CREBBP: variants seen among roughly 807,000 people sequenced by gnomAD.
CREBBP encodes CREB binding lysine acetyltransferase.
CREBBP carries 19 observed loss-of-function variants against 265.0 expected under a neutral mutation model. The ratio of observed to expected loss-of-function variants is 0.07; its 90% CI spans 0.05 to 0.11. The LOEUF is 0.11. Ranked by LOEUF, CREBBP falls within the 10% of genes least tolerant of loss-of-function variation. CREBBP has a pLI of 1.00. For missense variants in CREBBP, 2,525 were observed against 3,219.0 expected, an observed-to-expected ratio of 0.78 and a Z score of 5.22; for synonymous variants, 1,457 against 1,223.7, an observed-to-expected ratio of 1.19 and a Z score of -3.98.
intron 22 of CREBBP, 106 bp downstream of exon 22, chr16:3,745,171 C>T (rs765933297): frequency 3.2e-5 from 36 of 1,109,434 alleles, no homozygotes; most frequent in East Asian, 5.1e-5. Flanking sequence ...CTCTCTTAAT[C>T]GCTGAATTCT....
At chr16:3,848,758 G>C (rs900221997) in intron 2 of CREBBP, among the ~76,000 whole-genome samples, 1 of 152,108 alleles carries the variant, frequency 6.6e-6, no homozygotes, top group Non-Finnish European at 1.5e-5. Flanking sequence ...AAAGGAACAA[G>C]GATCAATCTC....
At chr16:3,851,305 T>TAAAAAA (rs2054830531) in intron 1 of CREBBP, among the ~76,000 whole-genome samples, 2 of 69,004 alleles carry the variant, frequency 2.9e-5, no homozygotes, top group African/African-American at 1.3e-4. Context: ...AAAAAAAAAA[T>TAAAAAA]TAAAAAAAAA....
chr16:3,756,438 C>CA, intron 19 of CREBBP, among the ~76,000 whole-genome samples: 1 of 152,328 alleles, frequency 6.6e-6, no homozygotes, highest in South Asian at 2.1e-4. Flanking sequence ...GAAACCACAA[C>CA]AAAAAATACT....
chr16:3,829,282 TC>T (rs1470027395), intron 2 of CREBBP, among the ~76,000 whole-genome samples: 7 of 152,172 alleles, frequency 4.6e-5, no homozygotes, highest in Non-Finnish European at 1.0e-4. Context: ...GTGAACTTAA[TC>T]CTCAGACGAT....
chr16:3,736,922 C>A, intron 26 of CREBBP, 107 bp from the exon 27 acceptor site: 1 of 1,362,824 alleles, frequency 7.3e-7, no homozygotes, highest in Non-Finnish European at 1.0e-6. Context: ...CAGAAGTAAC[C>A]AGAGAGAGAG....
intron 1 of CREBBP, among the ~76,000 whole-genome samples, chr16:3,877,637 G>A (rs551758068): frequency 1.1e-4 from 17 of 152,308 alleles, no homozygotes; most frequent in African/African-American, 4.1e-4. Flanking sequence ...CTCCTGACCT[G>A]AAGTTGATCC....
intron 2 of CREBBP, among the ~76,000 whole-genome samples, chr16:3,817,503 G>A (rs1160168705): frequency 6.6e-6 from 1 of 152,142 alleles, no homozygotes; most frequent in Non-Finnish European, 1.5e-5. Context: ...CTTCTCTCAA[G>A]TGAGATCTAG....
chr16:3,827,054 T>C (rs975261860), intron 2 of CREBBP, among the ~76,000 whole-genome samples: 6 of 152,186 alleles, frequency 3.9e-5, no homozygotes, highest in Non-Finnish European at 7.3e-5. Context: ...ACTGAGAAAG[T>C]TGAGGCTTGA....
intron 2 of CREBBP, among the ~76,000 whole-genome samples, chr16:3,844,204 G>C (rs1371917098): frequency 6.9e-6 from 1 of 144,538 alleles, no homozygotes; most frequent in East Asian, 2.0e-4. Context: ...CCAAGTTAAC[G>C]TAACACTGAT....
chr16:3,849,482 TGTGTGTGA>T (rs1198013289), intron 2 of CREBBP, among the ~76,000 whole-genome samples: 8 of 125,080 alleles, frequency 6.4e-5, no homozygotes, highest in Admixed American at 8.9e-5. Flanking sequence ...TGTGTGTGTG[TGTGTGTGA>T]TGTGCGTGAC....
intron 1 of CREBBP, among the ~76,000 whole-genome samples, chr16:3,870,399 T>C (rs1221317986): frequency 1.3e-5 from 2 of 152,220 alleles, no homozygotes; most frequent in Non-Finnish European, 2.9e-5. Flanking sequence ...AATAAAATAC[T>C]ATATTTATAA....
In CREBBP at chr16:3,792,204, C is replaced by T. The variant is rs1378225744; in HGVS notation, c.1217-110G>A. 4.2e-6 allele frequency: 4 copies of T among 955,802 alleles called. No individual in the cohort carries two copies. The African/African-American group carries it at 4.8e-5, about 12-fold the overall frequency. 59.2% of individuals were successfully genotyped at this position (955,802 alleles called of 1,614,324 possible). On this transcript the variant is annotated intron_variant, in intron 4 of 30. Transcript: ENST00000262367. ...CATAAGAAAATGGTAACAAGTGTAA[C>T]CATAACACAGTATAGGCAGTCCTCA...
chr16:3,844,505 C>T (rs1369286248), intron 2 of CREBBP, among the ~76,000 whole-genome samples: 2 of 152,100 alleles, frequency 1.3e-5, no homozygotes, highest in East Asian at 1.9e-4. Context: ...CAGATTATGC[C>T]CCAATTTTAA....
Position 3,775,168 on chromosome 16 carries a change from C to T in CREBBP, c.2159-475G>A, listed in dbSNP as rs529484833. Among the ~76,000 whole-genome samples, 8 of 152,292 alleles carry T rather than the reference C, an allele frequency of 5.3e-5. No homozygotes were observed. In the South Asian group the frequency reaches 8.3e-4, roughly 16 times the overall value. On this transcript the variant is annotated intron_variant, in intron 11 of 30. Transcript: ENST00000262367. ...TCTGGAGCAGCTGACGCCCATCATC[C>T]GAGGATTCCCAGCTCCTTGCTGGGT...
rs2151340885 is a variant in CREBBP, at chr16:3,740,503, G to A, written c.4029C>T (p.Asn1343=). Residue 1343 remains asparagine (N), a synonymous_variant, in exon 24 of 31, where the codon AAC becomes AAT. Coordinates refer to ENST00000262367, the MANE Select transcript of CREBBP (RefSeq NM_004380.3). ...GGTGATTCTGGCGCCGCAAAAATTTGTTCACTCGGTCTTCCAAGTGGTTTC... is the reference window on the plus strand; with the variant it reads ...GGTGATTCTGGCGCCGCAAAAATTTATTCACTCGGTCTTCCAAGTGGTTTC... ...RLGNHLEDRV[N]KFLRRQNHPE... 6.2e-7 allele frequency: 1 copy of A among 1,614,176 alleles called. No individual in the cohort carries two copies. The highest frequency in any genetic ancestry group is 8.5e-7 in the Non-Finnish European group (1 of 1,180,024).
At chr16:3,811,200 T>C (rs1216810473) in intron 2 of CREBBP, among the ~76,000 whole-genome samples, 4 of 152,224 alleles carry the variant, frequency 2.6e-5, no homozygotes, top group African/African-American at 7.2e-5. Context: ...TTTCCATTAG[T>C]TCAAAACACA....
At chr16:3,788,990 C>CA (rs1341574321) in intron 5 of CREBBP, among the ~76,000 whole-genome samples, 4 of 152,112 alleles carry the variant, frequency 2.6e-5, no homozygotes, top group African/African-American at 9.7e-5. Flanking sequence ...CAACACAGGC[C>CA]AAAAAGGTAA....
At chr16:3,868,999 C>T (rs1010083308) in intron 1 of CREBBP, among the ~76,000 whole-genome samples, 1 of 152,174 alleles carries the variant, frequency 6.6e-6, no homozygotes, top group African/African-American at 2.4e-5. Context: ...AACCATGAGG[C>T]CTCCTAAATT....
At position 3,770,596 on chromosome 16, in the gene CREBBP, C is replaced by A. The variant is rs369930675; in HGVS notation, c.2854G>T (p.Val952Leu). 5.0e-6 allele frequency: 8 copies of A among 1,613,616 alleles called. No individual in the cohort carries two copies. Among genetic ancestry groups the A allele is most frequent in the Non-Finnish European group, 6.8e-6 (8 of 1,180,022 alleles). Reference sequence around the variant, plus strand: ...GGTGTGCCAGGAGGCTGGGCGTGCACAGGCGTCGGCTGTTGCTGCGATGAC... The same window carrying A: ...GGTGTGCCAGGAGGCTGGGCGTGCAAAGGCGTCGGCTGTTGCTGCGATGAC... ...PQSSQQQPTPVHAQPPGTPLS... is the reference protein window; with the variant it reads ...PQSSQQQPTPLHAQPPGTPLS... The change falls in exon 14 of 31, where the codon GTG becomes TTG. Residue 952 changes from valine to leucine, a missense_variant. Physicochemically the swap from Val to Leu is conservative, Grantham distance 32 (BLOSUM62 1). This residue lies in a region of CREBBP where 548 missense variants were observed against 533.0 expected (regional missense o/e 1.03). Coordinates refer to ENST00000262367, the MANE Select transcript of CREBBP (RefSeq NM_004380.3).
Sources: allele counts gnomAD v4.1 joint callset (sites outside exome capture counted in the v4.1 genomes callset), GRCh38; gene constraint gnomAD v4.1.1; regional missense constraint gnomAD v4.1.1; transcripts MANE v1.5; gene names NCBI Gene and HGNC (gene_info 2026-07-23, HGNC 2026-07-21).